The following EXOC4 variants were observed in gnomAD, a reference collection of about 807,000 sequenced individuals.
EXOC4 encodes exocyst complex component 4.
EXOC4 carries 71 observed loss-of-function variants against 107.2 expected under a neutral mutation model. The observed-to-expected ratio is 0.66, with a 90% confidence interval of 0.55 to 0.81. The LOEUF is 0.81. Among genes scored for constraint, EXOC4 ranks in the 30% least tolerant of loss-of-function variants. EXOC4 has a pLI of 0.00. For missense variants in EXOC4, 1,108 were observed against 1,189.6 expected (o/e 0.93, Z 1.01); for synonymous variants, 456 against 441.2 (o/e 1.03, Z -0.42).
chr7:133,674,564 T>C (rs2151061136), intron 10 of EXOC4, among the ~76,000 whole-genome samples: 1 of 152,328 alleles, frequency 6.6e-6, no homozygotes, highest in African/African-American at 2.4e-5. Context: ...GTTTGCTTTC[T>C]AATGTTTCTG....
chr7:133,433,708 G>C (rs1023951994), intron 7 of EXOC4, among the ~76,000 whole-genome samples: 1 of 152,178 alleles, frequency 6.6e-6, no homozygotes, highest in Admixed American at 6.5e-5. Context: ...AGCTTTCCAT[G>C]TAGCATCAAG....
intron 10 of EXOC4, among the ~76,000 whole-genome samples, chr7:133,769,564 A>G (rs1240221699): frequency 6.6e-6 from 1 of 151,752 alleles, no homozygotes; most frequent in Admixed American, 6.6e-5. Context: ...AGGACAAATG[A>G]TTTCTTCTTA....
intron 7 of EXOC4, among the ~76,000 whole-genome samples, chr7:133,400,679 C>G (rs1797069751): frequency 6.6e-6 from 1 of 152,152 alleles, no homozygotes; most frequent in African/African-American, 2.4e-5. Context: ...CTTTTTCTCC[C>G]AATTTTAGCA....
intron 14 of EXOC4, among the ~76,000 whole-genome samples, chr7:133,989,095 A>G (rs956998669): frequency 1.3e-5 from 2 of 152,190 alleles, no homozygotes; most frequent in African/African-American, 2.4e-5. Flanking sequence ...GTGGCAGTAG[A>G]TAACAGAAAA....
intron 7 of EXOC4, among the ~76,000 whole-genome samples, chr7:133,445,486 C>A (rs981863126): frequency 6.6e-6 from 1 of 152,268 alleles, no homozygotes; most frequent in East Asian, 1.9e-4. Flanking sequence ...GATTCATATG[C>A]CAGCGTCTTT....
chr7:133,899,518 A>G (rs12707126), intron 12 of EXOC4, among the ~76,000 whole-genome samples: 94,293 of 152,138 alleles, frequency 0.62, 31,654 homozygotes, highest in African/African-American at 0.89. Flanking sequence ...TTTTCTCTGA[A>G]TGATAACAAA....
chr7:133,438,067 C>T (rs10276144), intron 7 of EXOC4, among the ~76,000 whole-genome samples: 2 of 152,076 alleles, frequency 1.3e-5, no homozygotes, highest in African/African-American at 4.8e-5. Flanking sequence ...TTAGCTAACT[C>T]TAACAAGATA....
intron 9 of EXOC4, among the ~76,000 whole-genome samples, chr7:133,508,109 A>T (rs1799699705): frequency 6.7e-6 from 1 of 150,372 alleles, no homozygotes; most frequent in Middle Eastern, 3.5e-3. Flanking sequence ...AAATACACAG[A>T]TTTTTTTTTT....
chr7:133,713,369 AT>A (rs926756753), intron 10 of EXOC4, among the ~76,000 whole-genome samples: 9 of 151,302 alleles, frequency 5.9e-5, no homozygotes, highest in East Asian at 1.9e-4. Context: ...CTTACCAATT[AT>A]TTTTTTTTCA....
intron 9 of EXOC4, among the ~76,000 whole-genome samples, chr7:133,511,878 A>G (rs1799776232): frequency 6.6e-6 from 1 of 151,848 alleles, no homozygotes; most frequent in Admixed American, 6.6e-5. Context: ...TGTGATGTAA[A>G]TATTTAGTGA....
chr7:133,424,678 A>G (rs1033865075), intron 7 of EXOC4, among the ~76,000 whole-genome samples: 1 of 152,244 alleles, frequency 6.6e-6, no homozygotes, highest in African/African-American at 2.4e-5. Context: ...TTTAGAGGTA[A>G]CATTATTTTT....
chr7:133,296,966 A>G (rs1794533862), intron 3 of EXOC4, among the ~76,000 whole-genome samples: 2 of 152,318 alleles, frequency 1.3e-5, no homozygotes, highest in South Asian at 4.1e-4. Flanking sequence ...TATGCAGGCA[A>G]CATTGGAACT....
intron 9 of EXOC4, among the ~76,000 whole-genome samples, chr7:133,579,243 G>A (rs1390748534): frequency 6.6e-6 from 1 of 152,104 alleles, no homozygotes. Context: ...GGATACTTTA[G>A]CATAGTGTAT....
intron 17 of EXOC4, among the ~76,000 whole-genome samples, chr7:134,041,377 G>A (rs1200623051): frequency 1.3e-5 from 2 of 152,276 alleles, no homozygotes; most frequent in African/African-American, 2.4e-5. Context: ...AAATGCAAAT[G>A]TGTGTGGCTT....
chr7:133,882,239 T>C (rs1289070005), intron 11 of EXOC4, among the ~76,000 whole-genome samples: 1 of 152,238 alleles, frequency 6.6e-6, no homozygotes, highest in East Asian at 1.9e-4. Flanking sequence ...GTCACAGTTT[T>C]ATTTATCTGC....
At chr7:133,362,878 C>T (rs1226265431) in intron 6 of EXOC4, among the ~76,000 whole-genome samples, 1 of 152,136 alleles carries the variant, frequency 6.6e-6, no homozygotes, top group Non-Finnish European at 1.5e-5. Context: ...AAATGCAGGA[C>T]ATGGTGGAAT....
rs1351957260 is a variant in EXOC4, at chr7:133,336,883, G to A, written c.764-19447G>A. The stretch of plus-strand genomic sequence containing the variant: ...AGAGTAGCTGGGACTACAGGCACAC[G>A]CCACCATGCCTAGCTAATTTTTGTG... On this transcript the variant is annotated intron_variant, in intron 5 of 17. Transcript: ENST00000253861. 6.6e-5 allele frequency among the ~76,000 whole-genome samples: 10 copies of A among 151,958 alleles called. No individual in the cohort carries two copies. In the East Asian group the frequency reaches 9.7e-4, roughly 15 times the overall value.
intron 11 of EXOC4, among the ~76,000 whole-genome samples, chr7:133,876,710 C>T (rs932671292): frequency 1.3e-5 from 2 of 152,018 alleles, no homozygotes; most frequent in African/African-American, 2.4e-5. Context: ...ACCATTTTCC[C>T]AGGGAGGGGG....
At chr7:133,583,313 T>C (rs761953514) in intron 9 of EXOC4, among the ~76,000 whole-genome samples, 1 of 152,238 alleles carries the variant, frequency 6.6e-6, no homozygotes, top group Non-Finnish European at 1.5e-5. Context: ...TTATGTGGCC[T>C]ACTATTTTAT....
Sources: gnomAD v4.1 joint callset for allele counts (sites outside exome capture counted in the v4.1 genomes callset) on GRCh38, gnomAD v4.1.1 for gene constraint, MANE v1.5 for transcripts, NCBI Gene and HGNC (gene_info 2026-07-23, HGNC 2026-07-21) for gene names.